The following PCDHA3 variants were observed in gnomAD, a reference collection of about 807,000 sequenced individuals.
PCDHA3 encodes protocadherin alpha-3.
A neutral mutation model predicts 62.2 loss-of-function variants in PCDHA3; 41 were observed. That is an observed-to-expected ratio of 0.66 (90% confidence interval 0.51 to 0.86). The LOEUF (loss-of-function observed/expected upper bound fraction) is 0.86. Among genes scored for constraint, PCDHA3 ranks in the 40% least tolerant of loss-of-function variants. The probability of loss-of-function intolerance (pLI) is 0.00; values close to 1 mark genes in which losing one functional copy is unlikely to be tolerated. For missense variants in PCDHA3, 1,304 were observed against 1,241.2 expected (o/e 1.05, Z -0.76); for synonymous variants, 640 against 555.4 (o/e 1.15, Z -2.14).
intron 1 of PCDHA3, chr5:140,842,521 C>T (rs2150337974): frequency 1.9e-6 from 3 of 1,613,508 alleles, no homozygotes; most frequent in East Asian, 4.5e-5. Context: ...TGGTGTCCAC[C>T]TTCAAGAATT....
At chr5:140,861,768 T>TACAA (rs2047071882) in intron 1 of PCDHA3, 1 of 158,832 alleles carries the variant, frequency 6.3e-6, no homozygotes, top group Non-Finnish European at 1.4e-5. Flanking sequence ...TCCCTGGAAA[T>TACAA]ACCAAGAGCA....
chr5:140,885,385 T>C (rs2060578484), intron 1 of PCDHA3, among the ~76,000 whole-genome samples: 1 of 152,194 alleles, frequency 6.6e-6, no homozygotes, highest in South Asian at 2.1e-4. Flanking sequence ...TGGCAGTCCC[T>C]GCAAATCTAA....
chr5:140,861,529 A>G, intron 1 of PCDHA3: 1 of 450,984 alleles, frequency 2.2e-6, no homozygotes, highest in Non-Finnish European at 4.6e-6. Flanking sequence ...AGGATCTCGG[A>G]GTGCAGCATC....
At chr5:140,922,288 T>C (rs2080761283) in intron 1 of PCDHA3, among the ~76,000 whole-genome samples, 1 of 152,150 alleles carries the variant, frequency 6.6e-6, no homozygotes, top group African/African-American at 2.4e-5. Context: ...GATATGAAAA[T>C]GCTAGGAGAG....
chr5:140,925,166 A>G (rs2082364629), intron 1 of PCDHA3, among the ~76,000 whole-genome samples: 1 of 152,126 alleles, frequency 6.6e-6, no homozygotes, highest in Admixed American at 6.5e-5. Context: ...GAATTGTGTA[A>G]TTGACCCCAA....
intron 1 of PCDHA3, among the ~76,000 whole-genome samples, chr5:140,956,900 A>C (rs1004581720): frequency 6.6e-6 from 1 of 152,240 alleles, no homozygotes; most frequent in East Asian, 1.9e-4. Context: ...GAATATTCTT[A>C]AATGTATAAA....
At chr5:140,876,956 T>A in intron 1 of PCDHA3, 1 of 1,613,342 alleles carries the variant, frequency 6.2e-7, no homozygotes, top group Non-Finnish European at 8.5e-7. Flanking sequence ...TACTCGCTGG[T>A]GGAGCGGCGG....
At chr5:140,841,586 C>A (rs1327577851) in intron 1 of PCDHA3, 4 of 1,614,026 alleles carry the variant, frequency 2.5e-6, no homozygotes, top group East Asian at 4.5e-5. Flanking sequence ...TGTGAATTCT[C>A]GGATCGACCG....
At position 140,946,611 on chromosome 5, in the gene PCDHA3, A is replaced by AATATATAT. The variant is rs1554217734; in HGVS notation, c.2395-32324_2395-32317dup. Among the ~76,000 whole-genome samples, 282 of 86,744 alleles carry AATATATAT rather than the reference A, an allele frequency of 3.3e-3. 10 individuals carry two copies. Among genetic ancestry groups the AATATATAT allele is most frequent in the African/African-American group, 0.015 (234 of 15,690 alleles). The allele number at this position is 86,744 out of a possible 152,430, so 56.9% of individuals were successfully genotyped here. A position where few individuals can be genotyped will look rare whatever the true frequency, so the allele number is the denominator to read the frequency against. Reference sequence around the variant, plus strand: ...GGATGAATAGATAAAGAAAATGTGAAATATATATATATATATATATACAAT... The same window carrying AATATATAT: ...GGATGAATAGATAAAGAAAATGTGAAATATATATATATATATATATATATATATACAAT... On this transcript the variant is annotated intron_variant, in intron 1 of 3. Coordinates refer to ENST00000522353, the MANE Select transcript of PCDHA3 (RefSeq NM_018906.3).
rs372500794 is a variant in PCDHA3, at chr5:140,876,782, C to A, written c.2394+73191C>A. 5.6e-6 allele frequency: 9 copies of A among 1,614,096 alleles called. No individual in the cohort carries two copies. The East Asian group carries it at 1.8e-4, about 32-fold the overall frequency. On this transcript the variant is annotated intron_variant, in intron 1 of 3. Transcript: ENST00000522353. ...GATGGGGGCTCGCCTTCGCTGTGGG[C>A]CACGGCTAGAGTGTCCGTGGAGGTG...
At chr5:140,904,642 C>G (rs1257685945) in intron 1 of PCDHA3, among the ~76,000 whole-genome samples, 2 of 152,132 alleles carry the variant, frequency 1.3e-5, no homozygotes, top group Non-Finnish European at 2.9e-5. Context: ...AATCTCCACA[C>G]TGTTTTCCAT....
chr5:140,832,690 A>G (rs1294300661), intron 1 of PCDHA3, among the ~76,000 whole-genome samples: 2 of 152,206 alleles, frequency 1.3e-5, no homozygotes, highest in East Asian at 3.8e-4. Context: ...AATTAACAAG[A>G]CCTGGCTTCA....
At chr5:140,853,965 C>A (rs1349706249) in intron 1 of PCDHA3, 2 of 649,666 alleles carry the variant, frequency 3.1e-6, no homozygotes, top group African/African-American at 2.0e-5. Context: ...TTGAGCCCAG[C>A]AGTTTGAGAC....
intron 1 of PCDHA3, among the ~76,000 whole-genome samples, chr5:140,840,861 A>G (rs1776915355): frequency 6.6e-6 from 1 of 152,012 alleles, no homozygotes; most frequent in African/African-American, 2.4e-5. Flanking sequence ...ACACGAAACT[A>G]TGGAGGACAG....
At chr5:140,989,013 G>A (rs1171400170) in intron 3 of PCDHA3, 1 of 152,208 alleles carries the variant, frequency 6.6e-6, no homozygotes, top group Non-Finnish European at 1.5e-5. Context: ...ACTTATTATA[G>A]TTTCTTCAGT....
intron 1 of PCDHA3, among the ~76,000 whole-genome samples, chr5:140,903,237 T>G (rs1191816509): frequency 1.3e-5 from 2 of 152,194 alleles, no homozygotes; most frequent in Non-Finnish European, 2.9e-5. Flanking sequence ...ACTTTTTGAT[T>G]TTTAAATTAT....
Position 140,801,076 on chromosome 5 carries a change from C to T in PCDHA3, c.-122C>T. 6.8e-7 allele frequency: 1 copy of T among 1,475,572 alleles called. No homozygotes were observed. The highest frequency in any genetic ancestry group is 8.9e-7 in the Non-Finnish European group (1 of 1,119,908). 91.4% of individuals were successfully genotyped at this position (1,475,572 alleles called of 1,614,324 possible). A position where few individuals can be genotyped will look rare whatever the true frequency, so the allele number is the denominator to read the frequency against. ...GCGTGCATTACGTATTCAGATACTG[C>T]TTTGCTTCATCCTCTCTAAAATTTA... On this transcript the variant is annotated 5_prime_UTR_variant, in exon 1 of 4. Transcript: ENST00000522353.
At chr5:140,982,030 C>G (rs2096963361) in intron 2 of PCDHA3, among the ~76,000 whole-genome samples, 1 of 152,196 alleles carries the variant, frequency 6.6e-6, no homozygotes, top group South Asian at 2.1e-4. Flanking sequence ...TGGAACAATA[C>G]TCCAATTATC....
chr5:140,918,651 C>A (rs1418223257), intron 1 of PCDHA3, among the ~76,000 whole-genome samples: 1 of 152,144 alleles, frequency 6.6e-6, no homozygotes, highest in African/African-American at 2.4e-5. Flanking sequence ...AAACCTAATT[C>A]TCATGTTGAT....
Sources: allele counts gnomAD v4.1 joint callset (sites outside exome capture counted in the v4.1 genomes callset), GRCh38; gene constraint gnomAD v4.1.1; transcripts MANE v1.5; gene names NCBI Gene and HGNC (gene_info 2026-07-23, HGNC 2026-07-21).